Variants in CNTNAP5 observed in about 807,000 individuals in gnomAD.
CNTNAP5 encodes contactin-associated protein-like 5.
CNTNAP5 carries 72 observed loss-of-function variants against 150.2 expected under a neutral mutation model. The observed-to-expected ratio is 0.48, with a 90% CI of 0.40 to 0.58. The LOEUF (loss-of-function observed/expected upper bound fraction) is 0.58. CNTNAP5 is among the 20% of genes least tolerant of loss of function. The pLI, the probability that CNTNAP5 is intolerant of heterozygous loss-of-function variation, is 0.00. For missense variants in CNTNAP5, 1,636 were observed against 1,626.2 expected (o/e 1.01, Z -0.10); for synonymous variants, 672 against 619.8 (o/e 1.08, Z -1.25).
intron 1 of CNTNAP5, among the ~76,000 whole-genome samples, chr2:124,171,682 T>C (rs1469607757): frequency 6.6e-6 from 1 of 152,216 alleles, no homozygotes; most frequent in Non-Finnish European, 1.5e-5. Flanking sequence ...GGGCAAGGTG[T>C]CCTAGCCATT....
intron 3 of CNTNAP5, among the ~76,000 whole-genome samples, chr2:124,259,720 T>A (rs2104599412): frequency 6.6e-6 from 1 of 152,172 alleles, no homozygotes; most frequent in East Asian, 1.9e-4. Context: ...TTTACACCGA[T>A]AACAGACAAG....
At chr2:124,655,149 C>A (rs1384467448) in intron 13 of CNTNAP5, among the ~76,000 whole-genome samples, 2 of 152,080 alleles carry the variant, frequency 1.3e-5, no homozygotes, top group Non-Finnish European at 2.9e-5. Context: ...CCCCTTTCCC[C>A]TAACCCTCTG....
chr2:124,149,698 G>T (rs963625706), intron 1 of CNTNAP5, among the ~76,000 whole-genome samples: 1 of 152,194 alleles, frequency 6.6e-6, no homozygotes, highest in Non-Finnish European at 1.5e-5. Context: ...AGTGAGAATA[G>T]CAACAGTCAG....
intron 10 of CNTNAP5, among the ~76,000 whole-genome samples, chr2:124,544,022 T>C (rs1695452686): frequency 6.6e-6 from 1 of 152,110 alleles, no homozygotes; most frequent in Non-Finnish European, 1.5e-5. Flanking sequence ...AAATGAACTA[T>C]GCTCATTTTA....
chr2:124,039,693 T>C (rs934491327), intron 1 of CNTNAP5, among the ~76,000 whole-genome samples: 1 of 152,160 alleles, frequency 6.6e-6, no homozygotes, highest in Non-Finnish European at 1.5e-5. Context: ...CAAAATCCTT[T>C]TATTTAGGTC....
intron 10 of CNTNAP5, among the ~76,000 whole-genome samples, chr2:124,531,807 T>C (rs1338949207): frequency 1.3e-5 from 2 of 152,176 alleles, no homozygotes; most frequent in Non-Finnish European, 2.9e-5. Context: ...TTTCCAATTG[T>C]CGACCTAAAA....
chr2:124,049,085 C>T (rs370765853), intron 1 of CNTNAP5, among the ~76,000 whole-genome samples: 56 of 152,314 alleles, frequency 3.7e-4, no homozygotes, highest in African/African-American at 1.3e-3. Flanking sequence ...CCCAGGCTTG[C>T]TGCTCTGCAG....
At chr2:124,865,589 G>A (rs1054052847) in intron 20 of CNTNAP5, among the ~76,000 whole-genome samples, 153 bp downstream of exon 20, 2 of 152,192 alleles carry the variant, frequency 1.3e-5, no homozygotes, top group Non-Finnish European at 2.9e-5. Context: ...CTAGGATAGT[G>A]GTTCTCAAGA....
At chr2:124,757,191 G>A (rs1680858430) in intron 14 of CNTNAP5, among the ~76,000 whole-genome samples, 2 of 152,204 alleles carry the variant, frequency 1.3e-5, no homozygotes, top group Admixed American at 6.5e-5. Context: ...CCTTGTGAAT[G>A]TGGAACAGAA....
intron 3 of CNTNAP5, among the ~76,000 whole-genome samples, chr2:124,371,429 C>A (rs368704439): frequency 1.3e-5 from 2 of 152,134 alleles, no homozygotes; most frequent in East Asian, 3.9e-4. Flanking sequence ...CCCTAGAAAA[C>A]CTTGTAAGAT....
At chr2:124,824,361 T>G (rs1221303747) in intron 19 of CNTNAP5, among the ~76,000 whole-genome samples, 1 of 152,210 alleles carries the variant, frequency 6.6e-6, no homozygotes, top group Non-Finnish European at 1.5e-5. Context: ...TCTGCTGTAC[T>G]TTCAAACAGA....
Position 124,914,476 on chromosome 2 carries a change from C to T in CNTNAP5, c.*188C>T, listed in dbSNP as rs1678722066. ...CCAAGAGACCAGGCAGCCATGGCCA[C>T]TGCCTTCCTCTCTGATGAACCTATC... On this transcript the variant is annotated 3_prime_UTR_variant, in exon 24 of 24. Coordinates refer to ENST00000682447, the MANE Select transcript of CNTNAP5 (RefSeq NM_001367498.1). 6.9e-6 allele frequency: 4 copies of T among 581,032 alleles called. No homozygotes were observed. Among genetic ancestry groups the T allele is most frequent in the Non-Finnish European group, 9.3e-6 (3 of 322,260 alleles). 36.0% of individuals were successfully genotyped at this position (581,032 alleles called of 1,614,324 possible). A position where few individuals can be genotyped will look rare whatever the true frequency, so the allele number is the denominator to read the frequency against.
At chr2:124,242,121 T>A in intron 2 of CNTNAP5, 79 bp from the exon 3 acceptor site, 1 of 1,181,976 alleles carries the variant, frequency 8.5e-7, no homozygotes, top group Non-Finnish European at 1.2e-6. Flanking sequence ...CACTGTTTCA[T>A]TTCCCTTTGA....
At chr2:124,554,569 C>T (rs879084884) in intron 10 of CNTNAP5, among the ~76,000 whole-genome samples, 1 of 151,906 alleles carries the variant, frequency 6.6e-6, no homozygotes, top group East Asian at 1.9e-4. Context: ...TATAGGCGTG[C>T]ACCTCCATAC....
At chr2:124,320,037 C>A (rs1029417508) in intron 3 of CNTNAP5, among the ~76,000 whole-genome samples, 1 of 152,202 alleles carries the variant, frequency 6.6e-6, no homozygotes. Context: ...AAATCTTCCA[C>A]GGTACAGGTA....
intron 3 of CNTNAP5, among the ~76,000 whole-genome samples, chr2:124,316,317 C>T (rs777784175): frequency 1.6e-4 from 24 of 152,090 alleles, no homozygotes; most frequent in African/African-American, 2.2e-4. Flanking sequence ...TGATTCCAAG[C>T]GAAACCAGAT....
chr2:124,190,882 A>G (rs1685442679), intron 1 of CNTNAP5, among the ~76,000 whole-genome samples: 1 of 152,134 alleles, frequency 6.6e-6, no homozygotes, highest in Non-Finnish European at 1.5e-5. Flanking sequence ...GTTTATATAA[A>G]CTACTGACTA....
chr2:124,888,037 A>T (rs907065028), intron 21 of CNTNAP5, among the ~76,000 whole-genome samples: 5 of 152,082 alleles, frequency 3.3e-5, no homozygotes, highest in African/African-American at 1.2e-4. Flanking sequence ...CATGATGCTC[A>T]AGTTTGGGAT....
intron 13 of CNTNAP5, among the ~76,000 whole-genome samples, chr2:124,725,913 C>T (rs1680148561): frequency 1.3e-5 from 2 of 151,822 alleles, no homozygotes; most frequent in East Asian, 3.9e-4. Flanking sequence ...AGCTGAATAA[C>T]ATTTCATTAT....
Sources: allele counts gnomAD v4.1 joint callset (sites outside exome capture counted in the v4.1 genomes callset), GRCh38; gene constraint gnomAD v4.1.1; transcripts MANE v1.5; gene names NCBI Gene and HGNC (gene_info 2026-07-23, HGNC 2026-07-21).